Variants in SLC24A3 observed in about 807,000 individuals in gnomAD.
SLC24A3 encodes sodium/potassium/calcium exchanger 3.
SLC24A3 carries 28 observed loss-of-function variants against 75.8 expected under a neutral mutation model. The ratio of observed to expected loss-of-function variants is 0.37; its 90% CI spans 0.27 to 0.51. SLC24A3 has a LOEUF of 0.51. SLC24A3 is among the 20% of genes least tolerant of loss of function. The pLI is 0.94. For missense variants in SLC24A3, 663 were observed against 847.8 expected, an observed-to-expected ratio of 0.78 and a Z score of 2.71; for synonymous variants, 372 against 334.1, an observed-to-expected ratio of 1.11 and a Z score of -1.24.
chr20:19,365,221 C>T (rs1402201803), intron 2 of SLC24A3, among the ~76,000 whole-genome samples: 1 of 152,158 alleles, frequency 6.6e-6, no homozygotes, highest in African/African-American at 2.4e-5. Context: ...AGCAGAGTTT[C>T]TCAAAGAGAG....
intron 2 of SLC24A3, among the ~76,000 whole-genome samples, chr20:19,380,162 G>A (rs979542765): frequency 6.6e-6 from 1 of 152,194 alleles, no homozygotes; most frequent in Non-Finnish European, 1.5e-5. Context: ...AGGTCTAGGG[G>A]TCAGGAGAGG....
intron 2 of SLC24A3, among the ~76,000 whole-genome samples, chr20:19,472,233 A>G (rs1987885623): frequency 6.6e-6 from 1 of 152,222 alleles, no homozygotes; most frequent in Non-Finnish European, 1.5e-5. Flanking sequence ...TTGAAAGGTA[A>G]TGACCTATGT....
chr20:19,399,614 A>G (rs6112351), intron 2 of SLC24A3, among the ~76,000 whole-genome samples: 1 of 152,172 alleles, frequency 6.6e-6, no homozygotes, highest in African/African-American at 2.4e-5. Flanking sequence ...CAAACTTTGT[A>G]TGACCTGAAT....
intron 2 of SLC24A3, among the ~76,000 whole-genome samples, chr20:19,340,432 C>T (rs1382182915): frequency 1.3e-5 from 2 of 152,182 alleles, no homozygotes; most frequent in African/African-American, 4.8e-5. Context: ...GACTTCTAGC[C>T]TCCAGAACTG....
At chr20:19,229,703 G>A (rs1030143940) in intron 1 of SLC24A3, among the ~76,000 whole-genome samples, 1 of 151,962 alleles carries the variant, frequency 6.6e-6, no homozygotes, top group Admixed American at 6.6e-5. Context: ...CTTCTTGTTG[G>A]TTTTGGTTGT....
intron 16 of SLC24A3, among the ~76,000 whole-genome samples, chr20:19,718,101 A>G (rs1473146494): frequency 6.6e-6 from 1 of 152,256 alleles, no homozygotes; most frequent in Non-Finnish European, 1.5e-5. Flanking sequence ...ATCCACATGA[A>G]GCATCCATTA....
intron 15 of SLC24A3, among the ~76,000 whole-genome samples, chr20:19,703,512 A>G (rs2145170): frequency 0.71 from 108,739 of 152,114 alleles, 39,366 homozygotes; most frequent in East Asian, 0.95. Context: ...TACATCAATA[A>G]CTCCTGAGAT....
intron 6 of SLC24A3, among the ~76,000 whole-genome samples, chr20:19,588,201 G>A (rs1034954559): frequency 4.6e-5 from 7 of 152,232 alleles, no homozygotes; most frequent in African/African-American, 1.7e-4. Context: ...AGCTCTCCCA[G>A]GCGGTGGAGT....
chr20:19,337,476 A>G (rs900924069), intron 2 of SLC24A3, among the ~76,000 whole-genome samples: 16 of 139,860 alleles, frequency 1.1e-4, no homozygotes, highest in Admixed American at 1.1e-3. Context: ...AAATAAATTA[A>G]TTAATTAATT....
At chr20:19,470,856 C>G (rs531275563) in intron 2 of SLC24A3, among the ~76,000 whole-genome samples, 45 of 152,254 alleles carry the variant, frequency 3.0e-4, no homozygotes, top group South Asian at 1.5e-3. Flanking sequence ...AGCTGAGGTG[C>G]AAAACACACA....
intron 2 of SLC24A3, among the ~76,000 whole-genome samples, chr20:19,441,965 T>A (rs2122469458): frequency 6.6e-6 from 1 of 152,314 alleles, no homozygotes; most frequent in African/African-American, 2.4e-5. Context: ...GTATGCAGCT[T>A]TTCAGATTGG....
At chr20:19,343,122 T>C (rs1985313331) in intron 2 of SLC24A3, among the ~76,000 whole-genome samples, 1 of 149,058 alleles carries the variant, frequency 6.7e-6, no homozygotes, top group Non-Finnish European at 1.5e-5. Context: ...AGAAAAATCA[T>C]CCAGAGGAAT....
At chr20:19,309,029 G>A (rs779373808) in intron 2 of SLC24A3, among the ~76,000 whole-genome samples, 27 of 152,190 alleles carry the variant, frequency 1.8e-4, no homozygotes, top group Non-Finnish European at 3.4e-4. Context: ...ATGGATTCGT[G>A]GAGGACATAT....
At chr20:19,362,548 A>G (rs1480175141) in intron 2 of SLC24A3, among the ~76,000 whole-genome samples, 1 of 152,244 alleles carries the variant, frequency 6.6e-6, no homozygotes, top group Non-Finnish European at 1.5e-5. Flanking sequence ...TCTCGGCTTC[A>G]GTTACTTTGA....
chr20:19,429,640 G>A (rs1987068051), intron 2 of SLC24A3, among the ~76,000 whole-genome samples: 1 of 152,126 alleles, frequency 6.6e-6, no homozygotes, highest in South Asian at 2.1e-4. Context: ...TTGACAATGA[G>A]GTTCTTCCAG....
rs1279002472 is a variant in SLC24A3 at position 19,280,871 on chromosome 20, T to C, written c.143-88T>C. 62 of 1,506,446 alleles carry C rather than the reference T, an allele frequency of 4.1e-5. No homozygotes were observed. The East Asian group carries it at 1.5e-3, about 37-fold the overall frequency. The allele number at this position is 1,506,446 out of a possible 1,614,324, so 93.3% of individuals were successfully genotyped here. A position where few individuals can be genotyped will look rare whatever the true frequency, so the allele number is the denominator to read the frequency against. On this transcript the variant is annotated intron_variant, in intron 1 of 16. Transcript: ENST00000328041. Reference sequence around the variant, plus strand: ...GGTGCAGGCGGGGCTGAACAAGTGATGGCTGATCAGGGCAGCGGGCATGCA... The same window carrying C: ...GGTGCAGGCGGGGCTGAACAAGTGACGGCTGATCAGGGCAGCGGGCATGCA...
intron 7 of SLC24A3, among the ~76,000 whole-genome samples, chr20:19,663,376 G>A (rs1421030735): frequency 4.2e-5 from 2 of 47,714 alleles, no homozygotes; most frequent in African/African-American, 1.1e-4. Flanking sequence ...ACAGGGTAGA[G>A]AAGCCCTGAC....
chr20:19,550,576 G>C (rs1159607178), intron 3 of SLC24A3, among the ~76,000 whole-genome samples: 2 of 152,178 alleles, frequency 1.3e-5, no homozygotes, highest in East Asian at 3.8e-4. Flanking sequence ...GTGTGTGAAG[G>C]TGTGCATGTG....
chr20:19,612,880 T>A (rs2031689337), intron 6 of SLC24A3, among the ~76,000 whole-genome samples: 1 of 152,184 alleles, frequency 6.6e-6, no homozygotes. Context: ...AGGGTCCCAT[T>A]GTGCTTAGAG....
Sources: gnomAD v4.1 joint callset for allele counts (sites outside exome capture counted in the v4.1 genomes callset) on GRCh38, gnomAD v4.1.1 for gene constraint, MANE v1.5 for transcripts, NCBI Gene and HGNC (gene_info 2026-07-23, HGNC 2026-07-21) for gene names.